Variants in BROX observed in about 807,000 individuals in gnomAD.
The protein encoded by BROX is BRO1 domain and CAAX motif containing.
In BROX, 53 loss-of-function variants were observed where a neutral mutation model predicts 61.0. The observed-to-expected ratio is 0.87, with a 90% CI of 0.70 to 1.09. The LOEUF (loss-of-function observed/expected upper bound fraction) is 1.09. BROX is among the 50% of genes least tolerant of loss of function. BROX has a pLI of 0.00. For missense variants in BROX, 489 were observed against 472.0 expected, an observed-to-expected ratio of 1.04 and a Z score of -0.33; for synonymous variants, 152 against 160.2, an observed-to-expected ratio of 0.95 and a Z score of 0.38.
chr1:222,722,614 G>A, intron 5 of BROX, 100 bp downstream of exon 5: 1 of 819,248 alleles, frequency 1.2e-6, no homozygotes, highest in Non-Finnish European at 1.9e-6. Context: ...CACTTTGGAT[G>A]TTTGAAGGAT....
At chr1:222,718,901 C>T (rs953041609) in intron 2 of BROX, 24 bp from the exon 3 acceptor site, 1 of 1,591,168 alleles carries the variant, frequency 6.3e-7, no homozygotes, top group Admixed American at 1.7e-5. Context: ...GCTAACTTTA[C>T]TGTCTTTTTG....
At chr1:222,719,128 A>G in intron 3 of BROX, 97 bp downstream of exon 3, 3 of 1,296,944 alleles carry the variant, frequency 2.3e-6, no homozygotes, top group Non-Finnish European at 3.3e-6. Context: ...TTACTCTTCC[A>G]GACTGTATTC....
chr1:222,719,248 T>A lies in BROX; in HGVS notation c.209-15T>A, dbSNP rs145225286. The A allele has an allele frequency of 3.7e-5, 57 of 1,530,190 alleles. No homozygotes were observed. The highest frequency in any genetic ancestry group is 4.7e-5 in the Non-Finnish European group (52 of 1,107,390). The allele number at this position is 1,530,190 out of a possible 1,614,324, so 94.8% of individuals were successfully genotyped here. A position where few individuals can be genotyped will look rare whatever the true frequency, so the allele number is the denominator to read the frequency against. On this transcript the variant is annotated splice_polypyrimidine_tract_variant and intron_variant, in intron 3 of 12. Coordinates refer to ENST00000340934, the MANE Select transcript of BROX (RefSeq NM_144695.4). ...TAATTCTTCTAAAACTAAAATGTCT[T>A]GTACTTTTCTATAGGTTTCATAAAT...
At position 222,729,679 on chromosome 1, in the gene BROX, G is replaced by T. The variant is rs755135349; in HGVS notation, c.816G>T (p.Arg272Ser). 8.1e-6 allele frequency: 13 copies of T among 1,612,290 alleles called. No homozygotes were observed. The highest frequency in any genetic ancestry group is 1.7e-5 in the Admixed American group (1 of 59,996). Residue 272 changes from arginine to serine, a missense_variant, in exon 10 of 13, where the codon AGG becomes AGT. Arg to Ser is a moderately radical substitution (Grantham distance 110, BLOSUM62 -1). Transcript: ENST00000340934. ...GTGATAAATGCGGTGAAGCAATCAGGTCTCTCCAAGAAGCAGAAAAATGTA... is the reference window on the plus strand; with the variant it reads ...GTGATAAATGCGGTGAAGCAATCAGTTCTCTCCAAGAAGCAGAAAAATGTA... ...LASDKCGEAI[R>S]SLQEAEKLYA...
intron 12 of BROX, 93 bp from the exon 13 acceptor site, chr1:222,732,535 T>C: frequency 2.5e-6 from 2 of 808,114 alleles, no homozygotes; most frequent in Non-Finnish European, 2.0e-6. Context: ...TAATTTAATA[T>C]AGCATCTTTT....
intron 4 of BROX, 55 bp from the exon 5 acceptor site, chr1:222,722,364 A>G: frequency 7.1e-7 from 1 of 1,411,266 alleles, no homozygotes; most frequent in Non-Finnish European, 1.0e-6. Context: ...AGTAGGCTTC[A>G]TGGTGTGATG....
rs769787681 is a variant in BROX, at chr1:222,732,831, G to A, written c.*117G>A. The A allele has an allele frequency of 4.4e-4, 346 of 778,548 alleles. No homozygotes were observed. The highest frequency in any genetic ancestry group is 6.5e-4 in the Non-Finnish European group (317 of 491,004). 48.2% of individuals were successfully genotyped at this position (778,548 alleles called of 1,614,324 possible). On this transcript the variant is annotated 3_prime_UTR_variant, in exon 13 of 13. Transcript: ENST00000340934. ...TGTAGAATAACTATTATATTCAGAGGGTTATCTGCCTTCAGCTTACTTGTT... is the reference window on the plus strand; with the variant it reads ...TGTAGAATAACTATTATATTCAGAGAGTTATCTGCCTTCAGCTTACTTGTT...
rs542099510 is a variant in BROX, at chr1:222,719,313, A to T, written c.259A>T (p.Ile87Phe). 1 of 1,609,630 alleles carries T rather than the reference A, an allele frequency of 6.2e-7. No individual in the cohort carries two copies. Among genetic ancestry groups the T allele is most frequent in the East Asian group, 2.2e-5 (1 of 44,770 alleles). The part of the protein sequence containing the change: ...ESTQESKLRY[I>F]QNFKWTDTLQ... ...TACCCAAGAAAGCAAGTTACGATAT[A>T]TTCAAAATTTCAAGTGGACTGATAC... is the stretch of plus-strand genomic sequence containing the variant. Residue 87 changes from isoleucine to phenylalanine, a missense_variant, in exon 4 of 13, where the codon ATT becomes TTT. Transcript: ENST00000340934.
chr1:222,722,542 A>G, intron 5 of BROX, 28 bp downstream of exon 5: 2 of 1,460,210 alleles, frequency 1.4e-6, no homozygotes, highest in African/African-American at 1.4e-5. Flanking sequence ...GATTGTGTAC[A>G]TCTGTGTTAT....
intron 5 of BROX, among the ~76,000 whole-genome samples, chr1:222,722,828 A>G (rs1326689976): frequency 1.3e-5 from 2 of 152,340 alleles, no homozygotes; most frequent in African/African-American, 4.8e-5. Flanking sequence ...TTGGTCAAAA[A>G]CATTGCAATT....
intron 6 of BROX, among the ~76,000 whole-genome samples, chr1:222,724,610 G>A (rs1252244437): frequency 1.3e-5 from 2 of 152,256 alleles, no homozygotes; most frequent in African/African-American, 2.4e-5. Context: ...AAATTGCCAG[G>A]AGATGTGATG....
chr1:222,729,796 C>A, intron 10 of BROX, 95 bp downstream of exon 10: 2 of 1,262,386 alleles, frequency 1.6e-6, no homozygotes, highest in South Asian at 1.4e-5. Context: ...TGGCTGAGTT[C>A]ATGAAAGGGA....
In BROX at chr1:222,715,682, A is replaced by G; in HGVS notation, c.-16-2A>G. The G allele has an allele frequency of 1.4e-6, 2 of 1,422,792 alleles. No homozygotes were observed. The allele number at this position is 1,422,792 out of a possible 1,614,324, so 88.1% of individuals were successfully genotyped here. A position where few individuals can be genotyped will look rare whatever the true frequency, so the allele number is the denominator to read the frequency against. ...GTATATTTTTTACTTTTTTGTCTAT[A>G]GAAAACATCTGGAGAAAATGACCCA... On this transcript the variant is annotated splice_acceptor_variant, in intron 1 of 12. Transcript: ENST00000340934. LOFTEE classifies it low-confidence loss of function (5UTR_SPLICE).
At chr1:222,715,634 T>G (rs1300752709) in intron 1 of BROX, 50 bp from the exon 2 acceptor site, 1 of 795,278 alleles carries the variant, frequency 1.3e-6, no homozygotes, top group Non-Finnish European at 1.8e-6. Flanking sequence ...CCTTGTTTAT[T>G]AAATATTTTA....
At chr1:222,722,642 A>G in intron 5 of BROX, 128 bp downstream of exon 5, 1 of 671,522 alleles carries the variant, frequency 1.5e-6, no homozygotes, top group Middle Eastern at 4.2e-4. Flanking sequence ...TAATGTTAGT[A>G]TTTTGAGTGT....
chr1:222,723,052 A>C (rs1286398473), intron 5 of BROX, among the ~76,000 whole-genome samples: 1 of 152,236 alleles, frequency 6.6e-6, no homozygotes, highest in Non-Finnish European at 1.5e-5. Context: ...CAGCAATAGG[A>C]AACTGTCAAT....
At chr1:222,717,197 A>G (rs2125000447) in intron 2 of BROX, among the ~76,000 whole-genome samples, 1 of 152,358 alleles carries the variant, frequency 6.6e-6, no homozygotes, top group South Asian at 2.1e-4. Context: ...TTTTAAAAAT[A>G]TGAAAACCAT....
At chr1:222,725,663 A>T in intron 7 of BROX, 108 bp downstream of exon 7, 1 of 814,130 alleles carries the variant, frequency 1.2e-6, no homozygotes, top group South Asian at 2.2e-5. Flanking sequence ...TAGTCCCAGC[A>T]CTTTGGGAGG....
chr1:222,731,284 C>A, intron 11 of BROX, 73 bp from the exon 12 acceptor site: 2 of 1,273,118 alleles, frequency 1.6e-6, no homozygotes, highest in Admixed American at 2.9e-5. Context: ...TTGTCCCAAA[C>A]AGGACCTTGA....
Sources: allele counts gnomAD v4.1 joint callset (sites outside exome capture counted in the v4.1 genomes callset), GRCh38; gene constraint gnomAD v4.1.1; transcripts MANE v1.5; gene names NCBI Gene and HGNC (gene_info 2026-07-23, HGNC 2026-07-21).